Variants in GPC5 observed in about 807,000 individuals in gnomAD.
The protein encoded by GPC5 is glypican-5.
A neutral mutation model predicts 53.9 loss-of-function variants in GPC5; 47 were observed. The observed-to-expected ratio is 0.87, with a 90% CI of 0.69 to 1.11. The LOEUF (loss-of-function observed/expected upper bound fraction) is 1.11. Among genes scored for constraint, GPC5 ranks in the 50% most tolerant of loss-of-function variants. The probability of loss-of-function intolerance (pLI) is 0.00; values close to 1 mark genes in which losing one functional copy is unlikely to be tolerated. For synonymous variants in GPC5, 286 were observed against 263.3 expected (o/e 1.09, Z -0.84); for missense variants, 748 against 713.1 (o/e 1.05, Z -0.56).
intron 7 of GPC5, among the ~76,000 whole-genome samples, chr13:92,807,559 A>C (rs1053318633): frequency 1.3e-5 from 2 of 151,982 alleles, no homozygotes; most frequent in African/African-American, 4.8e-5. Flanking sequence ...TCCTTGTCAA[A>C]ATTCAGTGTT....
At chr13:92,001,351 T>C (rs2040552462) in intron 6 of GPC5, among the ~76,000 whole-genome samples, 1 of 152,240 alleles carries the variant, frequency 6.6e-6, no homozygotes, top group Non-Finnish European at 1.5e-5. Context: ...TTGTGCTAAA[T>C]ATTATCTGGT....
chr13:92,672,256 G>A lies in GPC5; in HGVS notation c.1562-194026G>A, dbSNP rs151211007. Among the ~76,000 whole-genome samples, 676 of 152,238 alleles carry A rather than the reference G, an allele frequency of 4.4e-3. 5 individuals carry two copies. The highest frequency in any genetic ancestry group is 0.015 in the African/African-American group (629 of 41,564). On this transcript the variant is annotated intron_variant, in intron 7 of 7. Coordinates refer to ENST00000377067, the MANE Select transcript of GPC5 (RefSeq NM_004466.6). ...AGCTCAGAAAATTATGTATTAATTT[G>A]TCTTCACAAGATTGCAAAATTTTCA...
intron 5 of GPC5, among the ~76,000 whole-genome samples, chr13:91,854,733 C>T (rs888231284): frequency 2.0e-5 from 3 of 151,878 alleles, no homozygotes; most frequent in Admixed American, 2.0e-4. Context: ...TATTTCAATG[C>T]TTATTTTCAC....
At chr13:92,144,516 A>G (rs2041852390) in intron 6 of GPC5, among the ~76,000 whole-genome samples, 2 of 152,186 alleles carry the variant, frequency 1.3e-5, no homozygotes, top group Admixed American at 1.3e-4. Flanking sequence ...TTTAAACATT[A>G]TTTGTTCAGA....
At chr13:92,021,129 G>A (rs7335849) in intron 6 of GPC5, among the ~76,000 whole-genome samples, 61,845 of 151,962 alleles carry the variant, frequency 0.41, 14,176 homozygotes, top group East Asian at 0.75. Context: ...TTCCACTTCT[G>A]AGGATTTATT....
intron 7 of GPC5, among the ~76,000 whole-genome samples, chr13:92,619,102 A>C (rs1333822390): frequency 6.6e-6 from 1 of 151,874 alleles, no homozygotes; most frequent in Non-Finnish European, 1.5e-5. Flanking sequence ...TAAAATAATA[A>C]AGAAAATACT....
intron 7 of GPC5, among the ~76,000 whole-genome samples, chr13:92,636,019 G>A (rs908581394): frequency 6.6e-6 from 1 of 152,192 alleles, no homozygotes; most frequent in African/African-American, 2.4e-5. Flanking sequence ...ATTATAAATA[G>A]AGTGAATAAA....
chr13:92,106,575 G>A (rs1197144300), intron 6 of GPC5, among the ~76,000 whole-genome samples: 1 of 151,952 alleles, frequency 6.6e-6, no homozygotes, highest in African/African-American at 2.4e-5. Flanking sequence ...TACCTTATAG[G>A]CTGAGGAAAA....
At chr13:92,526,191 A>G (rs971692575) in intron 7 of GPC5, among the ~76,000 whole-genome samples, 2 of 152,162 alleles carry the variant, frequency 1.3e-5, no homozygotes, top group Non-Finnish European at 2.9e-5. Context: ...GGAATTATAG[A>G]CATATAGAAC....
At chr13:91,782,443 C>A (rs1285277774) in intron 5 of GPC5, among the ~76,000 whole-genome samples, 3 of 152,110 alleles carry the variant, frequency 2.0e-5, no homozygotes, top group Admixed American at 6.5e-5. Context: ...GGACCTTCTT[C>A]ACATGGCGCC....
At chr13:92,422,664 A>C (rs1290683968) in intron 7 of GPC5, among the ~76,000 whole-genome samples, 1 of 152,212 alleles carries the variant, frequency 6.6e-6, no homozygotes, top group Admixed American at 6.5e-5. Context: ...ATTCCACACA[A>C]GGCTGGTTCT....
intron 7 of GPC5, among the ~76,000 whole-genome samples, chr13:92,709,141 G>A (rs1888050431): frequency 6.6e-6 from 1 of 151,326 alleles, no homozygotes; most frequent in Non-Finnish European, 1.5e-5. Flanking sequence ...TCCGCCTCCA[G>A]GTTCAAGTAA....
intron 6 of GPC5, among the ~76,000 whole-genome samples, chr13:92,033,859 G>A (rs961765311): frequency 2.0e-5 from 3 of 152,172 alleles, no homozygotes; most frequent in Non-Finnish European, 4.4e-5. Flanking sequence ...TACAAGGCAT[G>A]AAACAAGGGA....
intron 6 of GPC5, among the ~76,000 whole-genome samples, chr13:91,959,466 C>T (rs77671180): frequency 0.02 from 3,070 of 151,998 alleles, 92 homozygotes; most frequent in African/African-American, 0.07. Flanking sequence ...ACCAAACTAT[C>T]AAAGAAGAAC....
chr13:91,829,102 G>C (rs1321671906), intron 5 of GPC5, among the ~76,000 whole-genome samples: 3 of 151,930 alleles, frequency 2.0e-5, no homozygotes, highest in South Asian at 2.1e-4. Context: ...ATCAATATTG[G>C]GTTAAAATGA....
intron 3 of GPC5, among the ~76,000 whole-genome samples, chr13:91,718,086 C>G (rs1213897908): frequency 6.6e-6 from 1 of 151,906 alleles, no homozygotes; most frequent in Non-Finnish European, 1.5e-5. Context: ...TAGCCTCCCA[C>G]TTTCCCCTAA....
At chr13:91,521,980 A>G (rs922262635) in intron 2 of GPC5, among the ~76,000 whole-genome samples, 1 of 152,240 alleles carries the variant, frequency 6.6e-6, no homozygotes, top group Admixed American at 6.5e-5. Flanking sequence ...AGTTTATTAT[A>G]AGAATATTAC....
At chr13:92,789,494 ACT>A (rs1876385806) in intron 7 of GPC5, among the ~76,000 whole-genome samples, 1 of 152,112 alleles carries the variant, frequency 6.6e-6, no homozygotes, top group Non-Finnish European at 1.5e-5. Flanking sequence ...TATTTAACAA[ACT>A]CAGGTCATTT....
chr13:92,811,940 A>C (rs1213382300), intron 7 of GPC5, among the ~76,000 whole-genome samples: 1 of 151,920 alleles, frequency 6.6e-6, no homozygotes, highest in African/African-American at 2.4e-5. Flanking sequence ...TCTGAACTCA[A>C]TTGTATTCCA....
Sources: gnomAD v4.1 joint callset for allele counts (sites outside exome capture counted in the v4.1 genomes callset) on GRCh38, gnomAD v4.1.1 for gene constraint, MANE v1.5 for transcripts, NCBI Gene and HGNC (gene_info 2026-07-23, HGNC 2026-07-21) for gene names.